Variants in HS3ST6 observed in about 807,000 individuals in gnomAD.
HS3ST6 encodes heparan sulfate-glucosamine 3-sulfotransferase 6.
Under a neutral mutation model 11.0 loss-of-function variants are expected in HS3ST6, and 13 were observed. The observed-to-expected ratio is 1.18, with a 90% CI of 0.77 to 1.88. The LOEUF (loss-of-function observed/expected upper bound fraction) is 1.88, where lower values mean the gene tolerates loss of function less well. HS3ST6 is among the 40% of genes most tolerant of loss of function. HS3ST6 has a pLI of 0.00. For synonymous variants in HS3ST6, 232 were observed against 230.6 expected, an observed-to-expected ratio of 1.01 and a Z score of -0.06; for missense variants, 541 against 494.4, an observed-to-expected ratio of 1.09 and a Z score of -0.89.
chr16:1,911,749 C>T lies in HS3ST6; in HGVS notation c.870G>A (p.Lys290=), dbSNP rs114001278. The T allele has an allele frequency of 1.0e-3, 1,686 of 1,613,654 alleles. 14 individuals are homozygous for T. In the African/African-American group the frequency reaches 0.02, roughly 19 times the overall value. The change falls in exon 2 of 2, where the codon AAG becomes AAA. Residue 290 remains lysine, a synonymous_variant. Transcript: ENST00000454677. ...GGGGACGGCTGCCGCCCTGGGCCTT[C>T]TTGAGGCAGGGGAAGCCCTTGGTGG... ...FNATKGFPCL[K]KAQGGSRPRC... is the part of the protein sequence containing the mutation.
In HS3ST6 at chr16:1,911,902, G is replaced by T. The variant is rs756496184; in HGVS notation, c.717C>A (p.Phe239Leu). Residue 239 changes from phenylalanine (F) to leucine (L), a missense_variant, in exon 2 of 2, where the codon TTC (phenylalanine) becomes TTA (leucine). Coordinates refer to ENST00000454677, the MANE Select transcript of HS3ST6 (RefSeq NM_001009606.4). ...AQHLDHWLRY[F>L]PLSHFLFVSG... The stretch of plus-strand genomic sequence containing the variant: ...TGACGAACAGGAAGTGGGACAGGGG[G>T]AAGTAGCGCAGCCAGTGGTCCAGGT... 6.2e-7 allele frequency: 1 copy of T among 1,603,740 alleles called. No homozygotes were observed. Among genetic ancestry groups the T allele is most frequent in the Non-Finnish European group, 8.5e-7 (1 of 1,173,940 alleles).
At chr16:1,918,614 C>A (rs1227447293), upstream of HS3ST6, among the ~76,000 whole-genome samples, 1 of 152,008 alleles carries the variant, frequency 6.6e-6, no homozygotes, top group Non-Finnish European at 1.5e-5. The surrounding 1 kb of genome is among the most constrained non-coding windows in gnomAD (Gnocchi z 6.0). Context: ...GCTCCGAGAT[C>A]CCAGGCCCTG....
At chr16:1,913,432 G>A (rs141890316) in intron 1 of HS3ST6, among the ~76,000 whole-genome samples, 236 of 152,280 alleles carry the variant, frequency 1.5e-3, no homozygotes, top group Middle Eastern at 6.8e-3. Context: ...TGCCCAGCCC[G>A]GGCAGGCCCA....
At chr16:1,917,103 G>A (rs1167734480) in intron 1 of HS3ST6, among the ~76,000 whole-genome samples, 2 of 152,196 alleles carry the variant, frequency 1.3e-5, no homozygotes, top group African/African-American at 2.4e-5. Context: ...AGGGGTAGGC[G>A]TCAGGGAAGG....
chr16:1,920,856 A>G (rs79724378), upstream of HS3ST6, among the ~76,000 whole-genome samples: 149 of 152,310 alleles, frequency 9.8e-4, no homozygotes, highest in African/African-American at 3.3e-3. Flanking sequence ...CACCTAACAG[A>G]GCCTGGCACG....
upstream of HS3ST6, among the ~76,000 whole-genome samples, chr16:1,919,882 G>A (rs1022305136): frequency 6.6e-6 from 1 of 152,374 alleles, no homozygotes; most frequent in Admixed American, 6.5e-5. Flanking sequence ...AATGCGAGGA[G>A]AGCATGCTGG....
intron 1 of HS3ST6, among the ~76,000 whole-genome samples, chr16:1,913,711 C>T (rs907768443): frequency 3.3e-5 from 5 of 152,184 alleles, no homozygotes; most frequent in African/African-American, 1.2e-4. Context: ...GGCTGACCTG[C>T]CAGGAGTGAC....
chr16:1,912,853 G>A lies in HS3ST6; in HGVS notation c.414-648C>T, dbSNP rs1255856529. On this transcript the variant is annotated intron_variant, in intron 1 of 1. Transcript: ENST00000454677. The surrounding 1 kb of genome is among the most constrained non-coding windows in gnomAD (Gnocchi z 5.6). ...GTCACCCAGGCTGGAGTGTAGTGGT[G>A]CAATCTCGGCTCACTGCAACCTCTG... Among the ~76,000 whole-genome samples, 2 of 152,132 alleles carry A rather than the reference G, an allele frequency of 1.3e-5. No homozygotes were observed. The highest frequency in any genetic ancestry group is 1.9e-4 in the East Asian group (1 of 5,190).
chr16:1,917,768 G>T, intron 1 of HS3ST6, 143 bp downstream of exon 1: 2 of 506,286 alleles, frequency 4.0e-6, no homozygotes, highest in Non-Finnish European at 6.3e-6. Context: ...CAAGCCTGGG[G>T]CCCCCACAGG....
chr16:1,919,172 C>A (rs1314960206), upstream of HS3ST6, among the ~76,000 whole-genome samples: 1 of 152,242 alleles, frequency 6.6e-6, no homozygotes, highest in Non-Finnish European at 1.5e-5. Context: ...CCTTGGTCCA[C>A]CTGGCACTGC....
chr16:1,919,684 G>A (rs2082950670), upstream of HS3ST6, among the ~76,000 whole-genome samples: 2 of 152,214 alleles, frequency 1.3e-5, no homozygotes, highest in African/African-American at 2.4e-5. Context: ...TCAAGGGGCC[G>A]AAGGCCTCCA....
chr16:1,911,723 C>G lies in HS3ST6; in HGVS notation c.896G>C (p.Arg299Pro), dbSNP rs372823212. Residue 299 changes from arginine to proline, a missense_variant, in exon 2 of 2, where the codon CGC becomes CCC. Coordinates refer to ENST00000454677, the MANE Select transcript of HS3ST6 (RefSeq NM_001009606.4). ...CCGGCCCTTGGACTTGCCCAGGCAG[C>G]GGGGACGGCTGCCGCCCTGGGCCTT... ...LKKAQGGSRP[R>P]CLGKSKGRPH... 1 of 1,612,548 alleles carries G rather than the reference C, an allele frequency of 6.2e-7. No individual in the cohort carries two copies.
chr16:1,920,798 GC>G (rs2082960379), upstream of HS3ST6, among the ~76,000 whole-genome samples: 1 of 152,098 alleles, frequency 6.6e-6, no homozygotes. Flanking sequence ...ACCTCGGGGC[GC>G]CCAGGATGGC....
At chr16:1,916,224 C>T (rs2150845729) in intron 1 of HS3ST6, among the ~76,000 whole-genome samples, 1 of 60,134 alleles carries the variant, frequency 1.7e-5, no homozygotes, top group South Asian at 8.9e-4. Context: ...GCTCTACTGG[C>T]TCTGCACCGC....
chr16:1,918,211 A>G lies in HS3ST6; in HGVS notation c.113T>C (p.Val38Ala). 6.6e-6 allele frequency: 7 copies of G among 1,054,406 alleles called. No individual in the cohort carries two copies. The highest frequency in any genetic ancestry group is 8.0e-6 in the Non-Finnish European group (7 of 877,526). 65.3% of individuals were successfully genotyped at this position (1,054,406 alleles called of 1,614,324 possible). A position where few individuals can be genotyped will look rare whatever the true frequency, so the allele number is the denominator to read the frequency against. Reference protein sequence around the residue: ...SRAPMLLVALVLGAYCLCALP... With the variant: ...SRAPMLLVALALGAYCLCALP... ...GGCGCAGAGGCAGTAGGCGCCGAGC[A>G]CCAGGGCCACGAGCAGCATCGGCGC... The change falls in exon 1 of 2, where the codon GTG becomes GCG. Residue 38 changes from valine (V) to alanine (A), a missense_variant. Coordinates refer to ENST00000454677, the MANE Select transcript of HS3ST6 (RefSeq NM_001009606.4). This position sits in a 1 kb window ranked among gnomAD's most constrained non-coding sequence, Gnocchi z 6.0.
At chr16:1,918,789 G>A (rs2082945528), upstream of HS3ST6, among the ~76,000 whole-genome samples, 1 of 152,148 alleles carries the variant, frequency 6.6e-6, no homozygotes, top group African/African-American at 2.4e-5. This position sits in a 1 kb window ranked among gnomAD's most constrained non-coding sequence, Gnocchi z 6.0. Context: ...CGCGGCAGGT[G>A]CATAGGCCAA....
intron 1 of HS3ST6, among the ~76,000 whole-genome samples, chr16:1,915,556 G>T (rs1042227582): frequency 2.0e-5 from 3 of 152,228 alleles, no homozygotes; most frequent in Admixed American, 1.3e-4. Context: ...GATTACAGGC[G>T]TGAGCCACTG....
chr16:1,915,518 T>G (rs2082919953), intron 1 of HS3ST6, among the ~76,000 whole-genome samples: 1 of 152,146 alleles, frequency 6.6e-6, no homozygotes, highest in Admixed American at 6.5e-5. Context: ...TCAGGTAATC[T>G]GCCCACCTCA....
intron 1 of HS3ST6, among the ~76,000 whole-genome samples, chr16:1,914,000 C>G (rs527330537): frequency 6.6e-6 from 1 of 152,174 alleles, no homozygotes; most frequent in Non-Finnish European, 1.5e-5. Flanking sequence ...GGCCTACAGA[C>G]GATACCGGAC....
Sources: allele counts gnomAD v4.1 joint callset (sites outside exome capture counted in the v4.1 genomes callset), GRCh38; gene constraint gnomAD v4.1.1; non-coding constraint Gnocchi (gnomAD v3.1); transcripts MANE v1.5; gene names NCBI Gene and HGNC (gene_info 2026-07-23, HGNC 2026-07-21).